ZFHX3: variants seen among roughly 807,000 people sequenced by gnomAD.
ZFHX3 encodes zinc finger homeobox 3.
A neutral mutation model predicts 279.1 loss-of-function variants in ZFHX3; 42 were observed. The observed-to-expected ratio is 0.15, with a 90% CI of 0.12 to 0.19. The LOEUF is 0.19. ZFHX3 is among the 10% of genes least tolerant of loss of function. The pLI, the probability that ZFHX3 is intolerant of heterozygous loss-of-function variation, is 1.00. For synonymous variants in ZFHX3, 2,293 were observed against 1,957.8 expected (o/e 1.17, Z -4.52); for missense variants, 4,981 against 4,754.0 (o/e 1.05, Z -1.40).
At chr16:73,728,701 G>C (rs900811251) in intron 1 of ZFHX3, among the ~76,000 whole-genome samples, 1 of 151,946 alleles carries the variant, frequency 6.6e-6, no homozygotes, top group African/African-American at 2.4e-5. Context: ...CTTGTTGTAA[G>C]AATTTTCCGT....
At chr16:72,901,595 C>A (rs543714664) in intron 3 of ZFHX3, among the ~76,000 whole-genome samples, 1 of 152,170 alleles carries the variant, frequency 6.6e-6, no homozygotes, top group African/African-American at 2.4e-5. Context: ...ACACTTCTGG[C>A]GTCGATCACT....
At chr16:73,082,426 C>G (rs995863429) in intron 8 of ZFHX3, among the ~76,000 whole-genome samples, 4 of 152,000 alleles carry the variant, frequency 2.6e-5, no homozygotes, top group East Asian at 3.9e-4. Context: ...CGCTACCACG[C>G]CCGGCTAATT....
intron 2 of ZFHX3, among the ~76,000 whole-genome samples, chr16:73,476,031 G>A (rs2018759751): frequency 6.6e-6 from 1 of 152,070 alleles, no homozygotes; most frequent in Non-Finnish European, 1.5e-5. Context: ...TTTTGAACAG[G>A]AAATCTTGCA....
intron 3 of ZFHX3, among the ~76,000 whole-genome samples, chr16:73,339,098 C>A (rs4887969): frequency 0.098 from 14,955 of 152,238 alleles, 989 homozygotes; most frequent in Middle Eastern, 0.18. Flanking sequence ...TTAAACTACC[C>A]AGTCTCAGGT....
rs2053519292 is a variant in ZFHX3, at chr16:73,726,427, GC to G, written c.-1607-46188del. ...CAATATGGCATTTTGGGCCAGACAT[GC>G]CTTTGCTGTGGGGATTGTCCTATGC... On this transcript the variant is annotated intron_variant, in intron 1 of 17. Coordinates refer to the ZFHX3 transcript ENST00000641206. Among the ~76,000 whole-genome samples the G allele has an allele frequency of 3.3e-5, 5 of 152,320 alleles. No homozygotes were observed. The South Asian group carries it at 1.0e-3, about 32-fold the overall frequency.
At chr16:73,522,834 A>G (rs1279318224) in intron 2 of ZFHX3, among the ~76,000 whole-genome samples, 4 of 152,196 alleles carry the variant, frequency 2.6e-5, no homozygotes, top group Non-Finnish European at 5.9e-5. Flanking sequence ...GAAACTTACA[A>G]TCATGGTGGA....
At position 73,044,571 on chromosome 16, in the gene ZFHX3, G is replaced by C. The variant is rs186427826; in HGVS notation, c.-50+3181C>G. On this transcript the variant is annotated intron_variant, in intron 1 of 9. Transcript: ENST00000268489. ...GTCAAGGCTAAATCCTTAGAGCTGA[G>C]AAACAAGTGAGTTACTCTTAAAAGG... 8.6e-5 allele frequency among the ~76,000 whole-genome samples: 13 copies of C among 150,956 alleles called. No individual in the cohort carries two copies. In the East Asian group the frequency reaches 2.6e-3, roughly 30 times the overall value.
At chr16:73,045,072 A>G (rs1207749848) in intron 1 of ZFHX3, among the ~76,000 whole-genome samples, 1 of 152,240 alleles carries the variant, frequency 6.6e-6, no homozygotes, top group Non-Finnish European at 1.5e-5. Flanking sequence ...TAATTTCTTA[A>G]GTAAGGGTCT....
rs148744435 is a variant in ZFHX3, at chr16:73,703,878, G to A, written c.-1607-23638C>T. 4.1e-3 allele frequency among the ~76,000 whole-genome samples: 631 copies of A among 152,264 alleles called. 3 individuals are homozygous for A. Among genetic ancestry groups the A allele is most frequent in the African/African-American group, 0.014 (591 of 41,546 alleles). On this transcript the variant is annotated intron_variant, in intron 1 of 17. Coordinates refer to the ZFHX3 transcript ENST00000641206. ...GGCCTGCTGAGTTTGTTAAAAGTAG[G>A]GGAATAAAAAGCAAGGTGAAAGAGG...
At chr16:73,761,870 C>G (rs1455237111) in intron 1 of ZFHX3, among the ~76,000 whole-genome samples, 2 of 151,924 alleles carry the variant, frequency 1.3e-5, no homozygotes, top group Admixed American at 6.6e-5. Context: ...AGCCCTAAAC[C>G]ATAAAAACGC....
At chr16:73,721,200 C>T (rs1166903386) in intron 1 of ZFHX3, among the ~76,000 whole-genome samples, 1 of 152,190 alleles carries the variant, frequency 6.6e-6, no homozygotes, top group Admixed American at 6.5e-5. Context: ...CGGCTCACTG[C>T]AACTTCCGCC....
At chr16:72,922,251 A>C (rs903745662) in intron 3 of ZFHX3, among the ~76,000 whole-genome samples, 1 of 152,122 alleles carries the variant, frequency 6.6e-6, no homozygotes, top group African/African-American at 2.4e-5. Context: ...CCTTGCAGTT[A>C]CTGCAACTCG....
chr16:73,405,200 G>C (rs768558925), intron 3 of ZFHX3, among the ~76,000 whole-genome samples: 16 of 152,178 alleles, frequency 1.1e-4, no homozygotes, highest in Admixed American at 5.9e-4. Flanking sequence ...GACTTTGAGA[G>C]TCATGTGTGT....
rs76029403 is a variant in ZFHX3 at position 73,831,476 on chromosome 16, G to A, written c.-1608+60175C>T. Among the ~76,000 whole-genome samples the A allele has an allele frequency of 8.2e-3, 1,250 of 151,568 alleles. 9 individuals are homozygous for A. Among genetic ancestry groups the A allele is most frequent in the Middle Eastern group, 0.025 (7 of 278 alleles). ...ATGACAGCTGGAAGAGTGAGGTTTC[G>A]GGAAGATGAGTATCTACAGCACTCA... On this transcript the variant is annotated intron_variant, in intron 1 of 17. Transcript: ENST00000641206.
intron 1 of ZFHX3, among the ~76,000 whole-genome samples, chr16:72,964,071 T>G (rs1008954835): frequency 6.6e-6 from 1 of 152,160 alleles, no homozygotes; most frequent in Non-Finnish European, 1.5e-5. Context: ...GGATGCCTGA[T>G]TCCCTGGGTG....
At chr16:72,839,375 C>T (rs1172977865) in intron 4 of ZFHX3, among the ~76,000 whole-genome samples, 2 of 152,136 alleles carry the variant, frequency 1.3e-5, no homozygotes, top group Non-Finnish European at 2.9e-5. Context: ...TGCATTTTGA[C>T]AAGTTCCTTT....
At chr16:73,161,159 T>G (rs1419974410) in intron 5 of ZFHX3, among the ~76,000 whole-genome samples, 1 of 152,144 alleles carries the variant, frequency 6.6e-6, no homozygotes, top group African/African-American at 2.4e-5. Context: ...CATTTTTTTG[T>G]AGAGATGGGG....
intron 1 of ZFHX3, among the ~76,000 whole-genome samples, chr16:73,685,162 A>C (rs770724439): frequency 2.0e-5 from 3 of 151,288 alleles, no homozygotes; most frequent in Non-Finnish European, 4.4e-5. Flanking sequence ...CTACAGTTGC[A>C]TGCCACCACG....
intron 2 of ZFHX3, among the ~76,000 whole-genome samples, chr16:73,624,611 A>G (rs1433731219): frequency 6.6e-6 from 1 of 151,262 alleles, no homozygotes; most frequent in Admixed American, 6.7e-5. Flanking sequence ...AGTGAAATGA[A>G]TTCAGCAGAT....
Sources: allele counts gnomAD v4.1 joint callset (sites outside exome capture counted in the v4.1 genomes callset), GRCh38; gene constraint gnomAD v4.1.1; transcripts MANE v1.5; gene names NCBI Gene and HGNC (gene_info 2026-07-23, HGNC 2026-07-21).